INSIG2: variants seen among roughly 807,000 people sequenced by gnomAD.
The protein encoded by INSIG2 is insulin-induced gene 2 protein.
A neutral mutation model predicts 27.2 loss-of-function variants in INSIG2; 10 were observed. That is an observed-to-expected ratio of 0.37 (90% CI 0.23 to 0.62). INSIG2 has a LOEUF of 0.62. INSIG2 is among the 20% of genes least tolerant of loss of function. INSIG2 has a pLI of 0.65. For synonymous variants in INSIG2, 97 were observed against 95.8 expected (o/e 1.01, Z -0.07); for missense variants, 178 against 270.2 (o/e 0.66, Z 2.39).
At chr2:118,106,612 A>T (rs1229268810) in intron 3 of INSIG2, 125 bp from the exon 4 acceptor site, 3 of 690,892 alleles carry the variant, frequency 4.3e-6, no homozygotes, top group Non-Finnish European at 7.3e-6. Flanking sequence ...GTACTAAGAG[A>T]CTGAATGTAC....
At chr2:118,103,778 A>G (rs1429391108) in intron 3 of INSIG2, among the ~76,000 whole-genome samples, 1 of 152,130 alleles carries the variant, frequency 6.6e-6, no homozygotes, top group Non-Finnish European at 1.5e-5. Context: ...GGTTTTAATC[A>G]ATACCGACAA....
chr2:118,109,649 A>C lies in INSIG2; in HGVS notation c.*1327A>C, dbSNP rs1182449019. On this transcript the variant is annotated 3_prime_UTR_variant, in exon 6 of 6. Coordinates refer to ENST00000245787, the MANE Select transcript of INSIG2 (RefSeq NM_016133.4). Reference sequence around the variant, plus strand: ...AGTGAGTGAGAGAATGTGTCTGTGCATGTGGCCATGCTTTCCTAGAATGTC... The same window carrying C: ...AGTGAGTGAGAGAATGTGTCTGTGCCTGTGGCCATGCTTTCCTAGAATGTC... 6.6e-6 allele frequency: 1 copy of C among 152,138 alleles called. No homozygotes were observed. The highest frequency in any genetic ancestry group is 6.6e-5 in the Admixed American group (1 of 15,150). The allele number at this position is 152,138 out of a possible 1,614,324, so 9.4% of individuals were successfully genotyped here.
chr2:118,098,536 G>C (rs749478637), intron 2 of INSIG2, among the ~76,000 whole-genome samples: 1 of 152,180 alleles, frequency 6.6e-6, no homozygotes, highest in Non-Finnish European at 1.5e-5. Flanking sequence ...CCCTACTCAG[G>C]ATGCCACTTT....
At chr2:118,101,970 C>G (rs1678555770) in intron 2 of INSIG2, among the ~76,000 whole-genome samples, 1 of 152,188 alleles carries the variant, frequency 6.6e-6, no homozygotes, top group African/African-American at 2.4e-5. Context: ...CACCATTGGT[C>G]TGCTAGGCTG....
At chr2:118,094,965 G>T (rs1295516951) in intron 1 of INSIG2, among the ~76,000 whole-genome samples, 1 of 152,202 alleles carries the variant, frequency 6.6e-6, no homozygotes, top group East Asian at 1.9e-4. Context: ...TTCAGAAAGA[G>T]TTAACCCAAT....
intron 1 of INSIG2, among the ~76,000 whole-genome samples, chr2:118,093,024 G>T (rs1320182336): frequency 8.0e-5 from 11 of 137,830 alleles, no homozygotes; most frequent in Middle Eastern, 4.1e-3. Flanking sequence ...ATGAGGAGGA[G>T]GAGGAGGAGG....
intron 1 of INSIG2, among the ~76,000 whole-genome samples, chr2:118,095,222 T>G (rs1393822476): frequency 6.6e-6 from 1 of 152,216 alleles, no homozygotes; most frequent in African/African-American, 2.4e-5. Flanking sequence ...GCCAAAGATA[T>G]ATTGTTGGAT....
chr2:118,093,009 T>TGAG (rs1250058188), intron 1 of INSIG2, among the ~76,000 whole-genome samples: 2 of 141,040 alleles, frequency 1.4e-5, no homozygotes, highest in Non-Finnish European at 3.1e-5. Flanking sequence ...AACCAGATGA[T>TGAG]GATGATGAGG....
chr2:118,090,795 A>AAGAACTCC (rs1055635397), intron 1 of INSIG2, among the ~76,000 whole-genome samples: 1 of 152,212 alleles, frequency 6.6e-6, no homozygotes, highest in African/African-American at 2.4e-5. Flanking sequence ...GTGAAGCAGG[A>AAGAACTCC]AGAACTCCGG....
At position 118,096,700 on chromosome 2, in the gene INSIG2, A is replaced by ACAGAGAAATGTGACGCT. The variant is rs776841805; in HGVS notation, c.145_146insAGAGAAATGTGACGCTC (p.Leu49GlnfsTer13). ...TATTTCTTGCATTAGTGTTAAATTT[A>ACAGAGAAATGTGACGCT]CTTCAGATTCAGAGAAATGTGACGC... On this transcript the variant is annotated frameshift_variant, in exon 2 of 6. Transcript: ENST00000245787. LOFTEE classifies it high-confidence loss of function. 6 of 1,613,900 alleles carry ACAGAGAAATGTGACGCT rather than the reference A, an allele frequency of 3.7e-6. No individual in the cohort carries two copies. The highest frequency in any genetic ancestry group is 5.1e-6 in the Non-Finnish European group (6 of 1,179,970).
At chr2:118,098,245 G>T (rs1678457841) in intron 2 of INSIG2, among the ~76,000 whole-genome samples, 1 of 152,122 alleles carries the variant, frequency 6.6e-6, no homozygotes, top group Non-Finnish European at 1.5e-5. Context: ...TTGGGACATG[G>T]AAGAGCATAC....
chr2:118,090,337 G>T (rs1175733420), intron 1 of INSIG2, among the ~76,000 whole-genome samples: 1 of 152,152 alleles, frequency 6.6e-6, no homozygotes, highest in Non-Finnish European at 1.5e-5. Flanking sequence ...AATGCAACAG[G>T]TTCTTAAGGT....
At chr2:118,097,838 G>A (rs1009111433) in intron 2 of INSIG2, among the ~76,000 whole-genome samples, 1 of 152,166 alleles carries the variant, frequency 6.6e-6, no homozygotes, top group African/African-American at 2.4e-5. Context: ...TCCAAGAGCG[G>A]GAGGTTGAAG....
intron 1 of INSIG2, among the ~76,000 whole-genome samples, chr2:118,089,205 G>T (rs1396830346): frequency 6.6e-6 from 1 of 152,028 alleles, no homozygotes; most frequent in Non-Finnish European, 1.5e-5. Flanking sequence ...GAGTGGGCGC[G>T]GGCAATGGCG....
At chr2:118,104,911 C>G (rs1678636640) in intron 3 of INSIG2, among the ~76,000 whole-genome samples, 1 of 152,196 alleles carries the variant, frequency 6.6e-6, no homozygotes, top group African/African-American at 2.4e-5. Context: ...CACTCTCTTT[C>G]TCAATGAAAT....
chr2:118,107,029 AATT>A, intron 4 of INSIG2, 58 bp from the exon 5 acceptor site: 1 of 1,450,628 alleles, frequency 6.9e-7, no homozygotes, highest in Non-Finnish European at 9.6e-7. Context: ...TTTTCATTGT[AATT>A]ATCTTAAGTG....
intron 2 of INSIG2, 59 bp downstream of exon 2, chr2:118,096,859 G>C (rs905036920): frequency 6.5e-7 from 1 of 1,539,938 alleles, no homozygotes; most frequent in Non-Finnish European, 8.8e-7. Flanking sequence ...GAGTATGGAC[G>C]TTGTCTGAGC....
Position 118,110,542 on chromosome 2 carries a change from A to G in INSIG2, c.*2220A>G, listed in dbSNP as rs1678788369. On this transcript the variant is annotated 3_prime_UTR_variant, in exon 6 of 6. Coordinates refer to ENST00000245787, the MANE Select transcript of INSIG2 (RefSeq NM_016133.4). ...TGAAAACCATGCTGTTCAAGGGTCA[A>G]CTGTGTGTGGTATCGGTGAGACTGA... 6.6e-6 allele frequency: 1 copy of G among 152,152 alleles called. No individual in the cohort carries two copies. Among genetic ancestry groups the G allele is most frequent in the African/African-American group, 2.4e-5 (1 of 41,428 alleles). The allele number at this position is 152,152 out of a possible 1,614,324, so 9.4% of individuals were successfully genotyped here. A position where few individuals can be genotyped will look rare whatever the true frequency, so the allele number is the denominator to read the frequency against.
chr2:118,095,322 G>C (rs1374095630), intron 1 of INSIG2, among the ~76,000 whole-genome samples: 1 of 152,178 alleles, frequency 6.6e-6, no homozygotes, highest in African/African-American at 2.4e-5. Context: ...GACAGTTTGG[G>C]AGACTGAACA....
Sources: gnomAD v4.1 joint callset for allele counts (sites outside exome capture counted in the v4.1 genomes callset) on GRCh38, gnomAD v4.1.1 for gene constraint, MANE v1.5 for transcripts, NCBI Gene and HGNC (gene_info 2026-07-23, HGNC 2026-07-21) for gene names.